Variants in CAPZB observed in about 807,000 individuals in gnomAD.
The protein encoded by CAPZB is capping actin protein of muscle Z-line subunit beta.
CAPZB carries 2 observed loss-of-function variants against 38.1 expected under a neutral mutation model. That is an observed-to-expected ratio of 0.05 (90% CI 0.02 to 0.17). CAPZB has a LOEUF of 0.17. Among genes scored for constraint, CAPZB ranks in the 10% least tolerant of loss-of-function variants. CAPZB has a pLI of 1.00. For synonymous variants in CAPZB, 107 were observed against 127.4 expected, an observed-to-expected ratio of 0.84 and a Z score of 1.08; for missense variants, 161 against 334.2, an observed-to-expected ratio of 0.48 and a Z score of 4.04.
intron 1 of CAPZB, among the ~76,000 whole-genome samples, chr1:19,421,061 G>A (rs1179241563): frequency 6.6e-6 from 1 of 152,132 alleles, no homozygotes; most frequent in Non-Finnish European, 1.5e-5. Context: ...AAGGCAGATG[G>A]AGTCCCCAAC....
At chr1:19,420,943 A>G (rs2094398971) in intron 1 of CAPZB, among the ~76,000 whole-genome samples, 1 of 152,238 alleles carries the variant, frequency 6.6e-6, no homozygotes, top group East Asian at 1.9e-4. Context: ...TCTAACACAG[A>G]AGGCTAGACC....
chr1:19,363,603 A>C (rs1428001666), intron 4 of CAPZB, among the ~76,000 whole-genome samples: 3 of 152,208 alleles, frequency 2.0e-5, no homozygotes, highest in African/African-American at 7.2e-5. Flanking sequence ...CTAATTCACA[A>C]AAGTAAAAAG....
chr1:19,465,773 G>A (rs1463852362), intron 1 of CAPZB, among the ~76,000 whole-genome samples: 2 of 152,156 alleles, frequency 1.3e-5, no homozygotes, highest in Non-Finnish European at 2.9e-5. Flanking sequence ...GGGCCTCTGG[G>A]CTCATGTGAT....
At position 19,418,659 on chromosome 1, in the gene CAPZB, C is replaced by T. The variant is rs76036036; in HGVS notation, c.93+1002G>A. On this transcript the variant is annotated intron_variant, in intron 2 of 8. Coordinates refer to ENST00000264202, the MANE Select transcript of CAPZB (RefSeq NM_004930.5). Reference sequence around the variant, plus strand: ...TTGCCTCTCAGCTGGGAGTTTGCATCCCTATAAATATACAAATAGTCGCAC... The same window carrying T: ...TTGCCTCTCAGCTGGGAGTTTGCATTCCTATAAATATACAAATAGTCGCAC... 9.8e-3 allele frequency among the ~76,000 whole-genome samples: 1,496 copies of T among 152,298 alleles called. 63 individuals carry two copies. In the East Asian group the frequency reaches 0.12, roughly 13 times the overall value.
chr1:19,415,882 C>T (rs72965256), intron 2 of CAPZB, among the ~76,000 whole-genome samples: 8,486 of 152,332 alleles, frequency 0.056, 772 homozygotes, highest in African/African-American at 0.19. Flanking sequence ...ATTACCAGAT[C>T]CTAATTTGTT....
rs2093916545 is a variant in CAPZB at position 19,339,527 on chromosome 1, G to GT, written c.*2_*3insA. 1 of 1,607,122 alleles carries GT rather than the reference G, an allele frequency of 6.2e-7. No individual in the cohort carries two copies. Among genetic ancestry groups the GT allele is most frequent in the African/African-American group, 1.3e-5 (1 of 74,808 alleles). Reference sequence around the variant, plus strand: ...GCGTGTCTGGTTAGCATGAAACAGAGGTTTAGCATTGCTGCTTTCTCTTCA... The same window carrying GT: ...GCGTGTCTGGTTAGCATGAAACAGAGTGTTTAGCATTGCTGCTTTCTCTTCA... On this transcript the variant is annotated 3_prime_UTR_variant, in exon 9 of 9. Coordinates refer to ENST00000264202, the MANE Select transcript of CAPZB (RefSeq NM_004930.5).
At chr1:19,419,557 A>G in intron 2 of CAPZB, 104 bp downstream of exon 2, 1 of 694,240 alleles carries the variant, frequency 1.4e-6, no homozygotes, top group South Asian at 1.7e-5. Flanking sequence ...TGCCAGGGAG[A>G]GAAAAGGTTT....
chr1:19,444,122 C>T (rs2094488302), intron 1 of CAPZB, among the ~76,000 whole-genome samples: 1 of 151,986 alleles, frequency 6.6e-6, no homozygotes, highest in Admixed American at 6.5e-5. Flanking sequence ...AATGCCACTG[C>T]ACTCCAGCCG....
intron 6 of CAPZB, among the ~76,000 whole-genome samples, chr1:19,350,732 A>G (rs1182889836): frequency 2.0e-5 from 3 of 151,920 alleles, no homozygotes; most frequent in Non-Finnish European, 4.4e-5. Flanking sequence ...CTCCCACCTC[A>G]GCCTCCTGAA....
chr1:19,371,025 G>A (rs2094117039), intron 4 of CAPZB, among the ~76,000 whole-genome samples: 1 of 152,286 alleles, frequency 6.6e-6, no homozygotes, highest in Middle Eastern at 3.4e-3. Flanking sequence ...ACCATCCCCG[G>A]CAGGTTCTCA....
chr1:19,433,717 A>G (rs1410140966), intron 1 of CAPZB, among the ~76,000 whole-genome samples: 1 of 152,234 alleles, frequency 6.6e-6, no homozygotes, highest in African/African-American at 2.4e-5. Flanking sequence ...AGCTTGAGGA[A>G]AAGAACACAG....
chr1:19,377,532 C>T (rs752122143), intron 4 of CAPZB, among the ~76,000 whole-genome samples: 8 of 152,234 alleles, frequency 5.3e-5, no homozygotes, highest in Admixed American at 6.5e-5. Flanking sequence ...CCACCCACCT[C>T]AAAGCTCAAG....
At chr1:19,428,751 C>G (rs1468118018) in intron 1 of CAPZB, among the ~76,000 whole-genome samples, 3 of 152,104 alleles carry the variant, frequency 2.0e-5, no homozygotes, top group African/African-American at 7.2e-5. Context: ...TGCCCCGAGC[C>G]CTTCTCCCCC....
At chr1:19,393,255 G>C (rs2094247304) in intron 2 of CAPZB, among the ~76,000 whole-genome samples, 1 of 152,230 alleles carries the variant, frequency 6.6e-6, no homozygotes, top group South Asian at 2.1e-4. Flanking sequence ...CGCCGGGCCT[G>C]AAAGTCACAC....
chr1:19,349,450 A>C (rs1366676923), intron 6 of CAPZB, among the ~76,000 whole-genome samples: 3 of 152,116 alleles, frequency 2.0e-5, no homozygotes, highest in Non-Finnish European at 4.4e-5. Context: ...TTTTGAGCTC[A>C]CTGTGGGCCC....
At chr1:19,377,954 A>G (rs1462875793) in intron 4 of CAPZB, among the ~76,000 whole-genome samples, 2 of 152,210 alleles carry the variant, frequency 1.3e-5, no homozygotes, top group Non-Finnish European at 2.9e-5. Flanking sequence ...TAAGGACTGC[A>G]CTTATCTTGG....
chr1:19,392,611 C>T (rs1011127208), intron 2 of CAPZB, among the ~76,000 whole-genome samples: 1 of 150,524 alleles, frequency 6.6e-6, no homozygotes, highest in Admixed American at 6.6e-5. Flanking sequence ...CAGGGCAAGA[C>T]TCCGTCCCTA....
chr1:19,375,309 G>C (rs932380724), intron 4 of CAPZB, among the ~76,000 whole-genome samples: 1 of 152,212 alleles, frequency 6.6e-6, no homozygotes, highest in Non-Finnish European at 1.5e-5. Flanking sequence ...AGCACACTCC[G>C]ATGGCACTGG....
intron 4 of CAPZB, among the ~76,000 whole-genome samples, chr1:19,369,527 C>T (rs769390006): frequency 4.6e-5 from 7 of 152,200 alleles, no homozygotes; most frequent in Non-Finnish European, 7.4e-5. Flanking sequence ...TCTCAGAGGC[C>T]CTGTGCGCAC....
Sources: allele counts gnomAD v4.1 joint callset (sites outside exome capture counted in the v4.1 genomes callset), GRCh38; gene constraint gnomAD v4.1.1; transcripts MANE v1.5; gene names NCBI Gene and HGNC (gene_info 2026-07-23, HGNC 2026-07-21).